Variants in IL3RA observed in about 807,000 individuals in gnomAD.
IL3RA encodes interleukin 3 receptor subunit alpha, also known as interleukin-3 receptor subunit alpha.
In IL3RA, 73 loss-of-function variants were observed where a neutral mutation model predicts 52.3. The ratio of observed to expected loss-of-function variants is 1.40; its 90% CI spans 1.16 to 1.70. The LOEUF (loss-of-function observed/expected upper bound fraction) is 1.70, where lower values mean the gene tolerates loss of function less well. IL3RA is among the 40% of genes most tolerant of loss of function. The pLI is 0.00. For synonymous variants in IL3RA, 260 were observed against 194.0 expected (o/e 1.34, Z -2.83); for missense variants, 664 against 504.4 (o/e 1.32, Z -3.03).
intron 6 of IL3RA, among the ~76,000 whole-genome samples, chrX:1,355,923 G>A (rs1487538112): frequency 1.3e-5 from 2 of 152,024 alleles, no homozygotes; most frequent in African/African-American, 4.8e-5. Flanking sequence ...CCTTGGAAAA[G>A]CTGAACGCCT....
In IL3RA at chrX:1,365,142, G is replaced by A. The variant is rs1449319891; in HGVS notation, c.764G>A (p.Arg255Lys). The A allele has an allele frequency of 1.9e-6, 3 of 1,608,006 alleles. No individual in the cohort carries two copies. Among genetic ancestry groups the A allele is most frequent in the Non-Finnish European group, 1.7e-6 (2 of 1,176,262 alleles). ...RMQPVITEQV[R>K]DRTSFQLLNP... ...TTATTTTCTTTCAAACCACAGGTCA[G>A]AGACAGAACCTCCTTCCAGCTACTC... Residue 255 changes from arginine to lysine, a missense_variant, in exon 9 of 12, where the codon AGA (arginine) becomes AAA (lysine). Transcript: ENST00000331035.
intron 9 of IL3RA, among the ~76,000 whole-genome samples, chrX:1,367,638 CGGGTGAGCCGGGTGCGCG>C (rs1569526853): frequency 3.1e-4 from 15 of 49,050 alleles, no homozygotes; most frequent in Non-Finnish European, 4.8e-4. Context: ...CGGGGTGCGC[CGGGTGAGCCGGGTGCGCG>C]GGGTGAGCCG....
In IL3RA at chrX:1,352,195, G is replaced by GTA; in HGVS notation, c.394_395insTA (p.Ala132ValfsTer10). 1 of 1,613,746 alleles carries GTA rather than the reference G, an allele frequency of 6.2e-7. No homozygotes were observed. The highest frequency in any genetic ancestry group is 1.1e-5 in the South Asian group (1 of 91,080). The stretch of plus-strand genomic sequence containing the variant: ...CTGGGCGGTAGGCCCGGGGGCCCCC[G>GTA]CGGACGTCCAGTACGACCTGTACTT... On this transcript the variant is annotated frameshift_variant, in exon 5 of 12. Coordinates refer to ENST00000331035, the MANE Select transcript of IL3RA (RefSeq NM_002183.4). LOFTEE classifies it high-confidence loss of function.
chrX:1,378,805 G>A, intron 10 of IL3RA, 41 bp downstream of exon 10: 4 of 1,526,620 alleles, frequency 2.6e-6, no homozygotes, highest in South Asian at 1.1e-5. Context: ...CTTGTTTCCA[G>A]TGTGACCCTG....
intron 2 of IL3RA, among the ~76,000 whole-genome samples, chrX:1,342,457 C>T (rs1468539284): frequency 8.6e-5 from 13 of 151,884 alleles, no homozygotes; most frequent in Non-Finnish European, 1.3e-4. Flanking sequence ...TGAGCCACAG[C>T]GCCCGGCCTT....
intron 11 of IL3RA, 70 bp from the exon 12 acceptor site, chrX:1,382,321 C>A: frequency 1.0e-6 from 1 of 980,908 alleles, no homozygotes; most frequent in Non-Finnish European, 1.4e-6. Context: ...GACAGGCCCC[C>A]GCAGATCAGG....
chrX:1,376,667 G>A (rs1175140296), intron 9 of IL3RA, among the ~76,000 whole-genome samples: 5 of 149,580 alleles, frequency 3.3e-5, no homozygotes, highest in South Asian at 2.1e-4. Context: ...TCCAAGCCCA[G>A]GAGAGAGGCC....
intron 10 of IL3RA, among the ~76,000 whole-genome samples, chrX:1,380,633 G>C (rs1176194282): frequency 1.4e-5 from 1 of 72,740 alleles, no homozygotes; most frequent in Non-Finnish European, 2.9e-5. Context: ...GGGGGAAGGA[G>C]GGAGAGGGGG....
At chrX:1,343,397 G>A (rs1159781851) in intron 2 of IL3RA, among the ~76,000 whole-genome samples, 2 of 151,982 alleles carry the variant, frequency 1.3e-5, no homozygotes, top group Non-Finnish European at 2.9e-5. Flanking sequence ...GGGTGCAACG[G>A]CTCACGTCTG....
At chrX:1,362,629 G>C (rs1428072857) in intron 8 of IL3RA, among the ~76,000 whole-genome samples, 2 of 151,624 alleles carry the variant, frequency 1.3e-5, no homozygotes, top group African/African-American at 4.9e-5. Context: ...TCCTGTATTA[G>C]TCCATTTTCA....
At chrX:1,367,266 A>C (rs1382856109) in intron 9 of IL3RA, among the ~76,000 whole-genome samples, 1 of 11,150 alleles carries the variant, frequency 9.0e-5, no homozygotes, top group Non-Finnish European at 1.3e-4. Flanking sequence ...GCGCGGGGTG[A>C]GCCGGGTGCG....
intron 7 of IL3RA, among the ~76,000 whole-genome samples, chrX:1,356,820 T>G (rs1269437545): frequency 6.6e-6 from 1 of 152,154 alleles, no homozygotes; most frequent in Non-Finnish European, 1.5e-5. Flanking sequence ...TGTTTTTTAT[T>G]TTTATTATTT....
intron 1 of IL3RA, among the ~76,000 whole-genome samples, chrX:1,341,466 C>G (rs754209376): frequency 5.6e-4 from 86 of 152,252 alleles, no homozygotes; most frequent in Non-Finnish European, 1.1e-3. Context: ...ACAGACATGG[C>G]TACATAGAGG....
Position 1,345,327 on chromosome X carries a change from C to T in IL3RA, c.76C>T (p.Pro26Ser). 1.2e-6 allele frequency: 2 copies of T among 1,609,294 alleles called. No individual in the cohort carries two copies. The highest frequency in any genetic ancestry group is 1.7e-6 in the Non-Finnish European group (2 of 1,177,164). The change falls in exon 3 of 12, where the codon CCA (proline) becomes TCA (serine). Residue 26 changes from proline to serine, a missense_variant. Pro to Ser is a moderately conservative substitution (Grantham distance 74). Coordinates refer to ENST00000331035, the MANE Select transcript of IL3RA (RefSeq NM_002183.4). ...LLQTKEDPNP[P>S]ITNLRMKAKA... ...TGTCACCGTTTTAGATCCAAACCCA[C>T]CAATCACGAACCTAAGGATGAAAGC...
intron 10 of IL3RA, 126 bp from the exon 11 acceptor site, chrX:1,380,897 C>T: frequency 2.6e-6 from 2 of 783,810 alleles, no homozygotes; most frequent in South Asian, 3.2e-5. Context: ...AAAATAGAGA[C>T]CCCTCGAGTA....
In IL3RA at chrX:1,363,902, G is replaced by A. The variant is rs148726997; in HGVS notation, c.760-1236G>A. Among the ~76,000 whole-genome samples the A allele has an allele frequency of 9.0e-3, 1,362 of 151,918 alleles. 14 individuals are homozygous for A. The highest frequency in any genetic ancestry group is 0.044 in the South Asian group (213 of 4,794). ...GTCAGCTCATTTAAAAAAAAATTTGGCTGGGCGCGGTGGCTCACGCTGGTA... is the reference window on the plus strand; with the variant it reads ...GTCAGCTCATTTAAAAAAAAATTTGACTGGGCGCGGTGGCTCACGCTGGTA... On this transcript the variant is annotated intron_variant, in intron 8 of 11. Transcript: ENST00000331035.
chrX:1,379,553 G>A (rs1374656422), intron 10 of IL3RA, among the ~76,000 whole-genome samples: 1 of 152,200 alleles, frequency 6.6e-6, no homozygotes, highest in African/African-American at 2.4e-5. Flanking sequence ...GCTCTGGTGG[G>A]ACCAAGGGTG....
chrX:1,357,288 GTATTT>G (rs1269367183), intron 7 of IL3RA, among the ~76,000 whole-genome samples: 3 of 151,400 alleles, frequency 2.0e-5, no homozygotes, highest in Admixed American at 1.3e-4. Flanking sequence ...TTATTTTATT[GTATTT>G]TATTATTTAT....
At chrX:1,353,861 T>C (rs749585800) in intron 6 of IL3RA, among the ~76,000 whole-genome samples, 1 of 128,148 alleles carries the variant, frequency 7.8e-6, no homozygotes, top group East Asian at 2.3e-4. Context: ...ATGGGTTTCA[T>C]CATGGGTCAT....
Sources: gnomAD v4.1 joint callset for allele counts (sites outside exome capture counted in the v4.1 genomes callset) on GRCh38, gnomAD v4.1.1 for gene constraint, MANE v1.5 for transcripts, NCBI Gene and HGNC (gene_info 2026-07-23, HGNC 2026-07-21) for gene names.